The following TAF1 variants were observed in gnomAD, a reference collection of about 807,000 sequenced individuals.
TAF1 encodes transcription initiation factor TFIID subunit 1.
A neutral mutation model predicts 138.5 loss-of-function variants in TAF1; 2 were observed. The ratio of observed to expected loss-of-function variants is 0.01; its 90% CI spans 0.01 to 0.05. The LOEUF (loss-of-function observed/expected upper bound fraction) is 0.05, where lower values mean the gene tolerates loss of function less well. Among genes scored for constraint, TAF1 ranks in the 10% least tolerant of loss-of-function variants. TAF1 has a pLI of 1.00. For missense variants in TAF1, 709 were observed against 1,478.0 expected (o/e 0.48, Z 8.53); for synonymous variants, 437 against 503.2 (o/e 0.87, Z 1.76).
intron 32 of TAF1, among the ~76,000 whole-genome samples, chrX:71,445,392 A>G (rs1418765791): frequency 9.1e-6 from 1 of 110,286 alleles, no homozygotes; most frequent in Non-Finnish European, 1.9e-5. Context: ...AGCCTTTTAC[A>G]CTTAAGTCCA....
intron 3 of TAF1, among the ~76,000 whole-genome samples, chrX:71,372,691 T>C (rs771642016): frequency 1.9e-5 from 2 of 107,211 alleles, no homozygotes; most frequent in African/African-American, 6.8e-5. Flanking sequence ...TTGGAAAGAG[T>C]GTAGGCTTTG....
intron 28 of TAF1, among the ~76,000 whole-genome samples, chrX:71,418,584 A>C (rs906187806): frequency 2.7e-5 from 3 of 112,328 alleles, no homozygotes; most frequent in Non-Finnish European, 5.6e-5. Context: ...GGATAGACAG[A>C]GGAATACAAT....
chrX:71,418,654 C>T (rs186175517), intron 28 of TAF1, among the ~76,000 whole-genome samples: 41 of 111,529 alleles, frequency 3.7e-4, no homozygotes, highest in Admixed American at 1.5e-3. Flanking sequence ...AATATTTTAG[C>T]TGCTTTATGA....
Position 71,434,843 on chromosome X carries a change from GGA to G in TAF1, c.4753+10611_4753+10612del, listed in dbSNP as rs761752405. Among the ~76,000 whole-genome samples the G allele has an allele frequency of 5.6e-4, 63 of 112,794 alleles. 1 individual carries two copies. Among genetic ancestry groups the G allele is most frequent in the Middle Eastern group, 9.2e-3 (2 of 217 alleles). On this transcript the variant is annotated intron_variant, in intron 32 of 37. Transcript: ENST00000423759. ...TCCCAAAAGGACCGCAACAGTTAAA[GGA>G]GAGAGTCATACAGATAAGTCCCTTC...
chrX:71,451,486 CTT>C (rs1308093293), intron 32 of TAF1, among the ~76,000 whole-genome samples: 3 of 97,960 alleles, frequency 3.1e-5, no homozygotes, highest in African/African-American at 3.7e-5. Flanking sequence ...TTTTTTTTTC[CTT>C]TTTTTTTTTT....
chrX:71,461,259 A>T (rs1236844855), intron 37 of TAF1, among the ~76,000 whole-genome samples: 1 of 111,796 alleles, frequency 8.9e-6, no homozygotes, highest in African/African-American at 3.2e-5. Flanking sequence ...AACACAAAGT[A>T]TGTTCCAGAG....
intron 6 of TAF1, 42 bp from the exon 7 acceptor site, chrX:71,378,193 A>G: frequency 8.5e-7 from 1 of 1,179,055 alleles, no homozygotes; most frequent in African/African-American, 1.7e-5. Flanking sequence ...GACATCTGGG[A>G]TCAGGAAATT....
chrX:71,421,253 T>C (rs1454064008), intron 28 of TAF1, 56 bp from the exon 29 acceptor site: 1 of 1,050,557 alleles, frequency 9.5e-7, no homozygotes, highest in Non-Finnish European at 1.3e-6. Flanking sequence ...TAAAGAAGTG[T>C]TGGCAGCTTT....
intron 1 of TAF1, among the ~76,000 whole-genome samples, chrX:71,367,253 C>T (rs940791866): frequency 2.8e-5 from 3 of 108,628 alleles, no homozygotes; most frequent in African/African-American, 7.3e-5. Context: ...TTTGATTCGT[C>T]TTCTCTTGTA....
At chrX:71,469,579 C>A (rs1327989999), downstream of TAF1, among the ~76,000 whole-genome samples, 1 of 108,819 alleles carries the variant, frequency 9.2e-6, no homozygotes, top group Admixed American at 9.9e-5. Flanking sequence ...ACCTGTAGTC[C>A]CACCTACTCG....
chrX:71,381,529 T>C (rs183013551), intron 8 of TAF1, among the ~76,000 whole-genome samples: 1 of 112,337 alleles, frequency 8.9e-6, no homozygotes. Context: ...CCTCCCAAAA[T>C]GCTGTGATTA....
rs776954074 is a variant in TAF1 at position 71,388,396 on chromosome X, G to A, written c.2569+18G>A. On this transcript the variant is annotated intron_variant, in intron 16 of 37. Transcript: ENST00000423759. The stretch of plus-strand genomic sequence containing the variant: ...ACGCACAGGTCGTCTGTTGTGACTA[G>A]TTATTTGTCTGCCTTTTTCCAAGAA... The A allele has an allele frequency of 4.2e-6, 5 of 1,190,794 alleles. No homozygotes were observed. Among genetic ancestry groups the A allele is most frequent in the South Asian group, 3.7e-5 (2 of 53,361 alleles).
chrX:71,509,114 T>C (rs1048472221), intron 13 of TAF1, among the ~76,000 whole-genome samples: 1 of 111,147 alleles, frequency 9.0e-6, no homozygotes, highest in African/African-American at 3.3e-5. Flanking sequence ...GGTCAAGTGG[T>C]TCCATCTTGT....
intron 13 of TAF1, among the ~76,000 whole-genome samples, chrX:71,489,451 C>T (rs1018798680): frequency 5.2e-4 from 58 of 110,671 alleles, no homozygotes; most frequent in African/African-American, 1.3e-3. Flanking sequence ...CCGAGGCAGG[C>T]GGATCACCCG....
intron 32 of TAF1, among the ~76,000 whole-genome samples, chrX:71,432,409 T>A (rs891572963): frequency 8.9e-6 from 1 of 111,851 alleles, no homozygotes; most frequent in African/African-American, 3.2e-5. Context: ...AAGCGAATTA[T>A]TTTTGTGGGA....
intron 32 of TAF1, among the ~76,000 whole-genome samples, chrX:71,440,513 T>TC (rs1187990069): frequency 2.7e-5 from 3 of 109,765 alleles, no homozygotes; most frequent in Admixed American, 9.8e-5. Flanking sequence ...TTTTTTTTTT[T>TC]CCACATCAGA....
chrX:71,513,872 C>A (rs986755012), intron 13 of TAF1, among the ~76,000 whole-genome samples: 3 of 110,927 alleles, frequency 2.7e-5, no homozygotes, highest in Non-Finnish European at 5.7e-5. Flanking sequence ...AAAAATGCAC[C>A]AATCAGCGCT....
At chrX:71,452,344 C>T (rs1489061134) in intron 32 of TAF1, among the ~76,000 whole-genome samples, 1 of 106,697 alleles carries the variant, frequency 9.4e-6, no homozygotes, top group Non-Finnish European at 1.9e-5. Context: ...ACTTCTCAGA[C>T]GGGGCAGCCG....
At chrX:71,405,190 C>A (rs2148469848) in intron 25 of TAF1, among the ~76,000 whole-genome samples, 1 of 110,873 alleles carries the variant, frequency 9.0e-6, no homozygotes, top group African/African-American at 3.3e-5. Flanking sequence ...AACCCCTGAC[C>A]TCAGGTGATC....
Sources: allele counts gnomAD v4.1 joint callset (sites outside exome capture counted in the v4.1 genomes callset), GRCh38; gene constraint gnomAD v4.1.1; transcripts MANE v1.5; gene names NCBI Gene and HGNC (gene_info 2026-07-23, HGNC 2026-07-21).